ARHGEF7: variants seen among roughly 807,000 people sequenced by gnomAD.
The protein encoded by ARHGEF7 is PAK-interacting exchange factor beta.
A neutral mutation model predicts 109.8 loss-of-function variants in ARHGEF7; 33 were observed. The ratio of observed to expected loss-of-function variants is 0.30; its 90% CI spans 0.23 to 0.40. ARHGEF7 has a LOEUF of 0.40. Among genes scored for constraint, ARHGEF7 ranks in the 10% least tolerant of loss-of-function variants. ARHGEF7 has a pLI of 1.00. For synonymous variants in ARHGEF7, 458 were observed against 424.6 expected (o/e 1.08, Z -0.97); for missense variants, 938 against 1,098.5 (o/e 0.85, Z 2.07).
intron 8 of ARHGEF7, among the ~76,000 whole-genome samples, chr13:111,249,178 T>A (rs2089381741): frequency 6.6e-6 from 1 of 152,122 alleles, no homozygotes; most frequent in Non-Finnish European, 1.5e-5. Flanking sequence ...CCTGTGGATT[T>A]TTGTTGGAGT....
At chr13:111,224,917 A>T (rs552258202) in intron 5 of ARHGEF7, among the ~76,000 whole-genome samples, 1 of 152,308 alleles carries the variant, frequency 6.6e-6, no homozygotes, top group South Asian at 2.1e-4. Flanking sequence ...ACCTCTCAGC[A>T]CTATTGTTTC....
intron 18 of ARHGEF7, 79 bp from the exon 19 acceptor site, chr13:111,292,039 G>A (rs965576482): frequency 8.1e-6 from 10 of 1,228,690 alleles, no homozygotes; most frequent in African/African-American, 6.0e-5. Flanking sequence ...TTTGTTCCAT[G>A]TTTTGGTTGT....
chr13:111,172,953 C>T (rs748719577), intron 2 of ARHGEF7, among the ~76,000 whole-genome samples: 8 of 152,164 alleles, frequency 5.3e-5, no homozygotes, highest in Non-Finnish European at 7.3e-5. Context: ...AAATCTGAAA[C>T]GCTCCTGGTC....
intron 1 of ARHGEF7, among the ~76,000 whole-genome samples, chr13:111,122,229 C>T (rs1224081455): frequency 2.0e-5 from 3 of 152,078 alleles, no homozygotes; most frequent in Non-Finnish European, 2.9e-5. Context: ...GGTTGGGGAG[C>T]GGGAGGGCTG....
In ARHGEF7 at chr13:111,273,878, A is replaced by T. The variant is rs759915405; in HGVS notation, c.1138A>T (p.Thr380Ser). 20 of 1,614,060 alleles carry T rather than the reference A, an allele frequency of 1.2e-5. No homozygotes were observed. Among genetic ancestry groups the T allele is most frequent in the Non-Finnish European group, 1.7e-5 (20 of 1,180,036 alleles). The change falls in exon 10 of 22, where the codon ACG becomes TCG. Residue 380 changes from threonine (T) to serine (S), a missense_variant. This residue lies in a region of ARHGEF7 where 585 missense variants were observed against 723.6 expected (regional missense o/e 0.81). Transcript: ENST00000646102. This position sits in a 1 kb window ranked among gnomAD's most constrained non-coding sequence, Gnocchi z 4.5. ...ASSPGILVLTTGLSKPFMRLD... is the reference protein window; with the variant it reads ...ASSPGILVLTSGLSKPFMRLD... ...CAGCCCTGGGATTCTCGTGCTGACC[A>T]CGGGCCTGAGCAAACCCTTCATGCG...
At chr13:111,267,435 C>T in intron 8 of ARHGEF7, 113 bp from the exon 9 acceptor site, 2 of 1,401,612 alleles carry the variant, frequency 1.4e-6, no homozygotes, top group Middle Eastern at 2.0e-4. Flanking sequence ...CTGGTTTTCA[C>T]AGATGGGTGC....
chr13:111,251,462 C>G lies in ARHGEF7; in HGVS notation c.950+7168C>G, dbSNP rs537377058. Reference sequence around the variant, plus strand: ...AAGCTTGGCAGTATCATAGTCGGCACTCTTCTGTAAAAGGAACCGTATGCT... The same window carrying G: ...AAGCTTGGCAGTATCATAGTCGGCAGTCTTCTGTAAAAGGAACCGTATGCT... On this transcript the variant is annotated intron_variant, in intron 8 of 21. Transcript: ENST00000646102. Among the ~76,000 whole-genome samples the G allele has an allele frequency of 8.5e-5, 13 of 152,238 alleles. No individual in the cohort carries two copies. In the South Asian group the frequency reaches 2.3e-3, roughly 27 times the overall value.
rs536552710 is a variant in ARHGEF7, at chr13:111,301,420, G to T, written c.2412-58G>T. ...TCGTAGTGTCTCCTGGTAAGTTTTCGTGTGTCCTCTCCATGCCTCACCTTG... is the reference window on the plus strand; with the variant it reads ...TCGTAGTGTCTCCTGGTAAGTTTTCTTGTGTCCTCTCCATGCCTCACCTTG... On this transcript the variant is annotated intron_variant, in intron 20 of 21. Transcript: ENST00000646102. 8.9e-5 allele frequency: 133 copies of T among 1,487,218 alleles called. No homozygotes were observed. In the East Asian group the frequency reaches 2.5e-3, roughly 28 times the overall value. 92.1% of individuals were successfully genotyped at this position (1,487,218 alleles called of 1,614,324 possible).
intron 8 of ARHGEF7, among the ~76,000 whole-genome samples, chr13:111,254,160 ATTTTCT>A (rs1195561594): frequency 2.6e-5 from 4 of 152,322 alleles, no homozygotes; most frequent in Middle Eastern, 3.4e-3. Flanking sequence ...TATGTTGTAC[ATTTTCT>A]GTAAGATGAT....
chr13:111,233,748 G>A (rs547835340), intron 6 of ARHGEF7, among the ~76,000 whole-genome samples: 28 of 152,274 alleles, frequency 1.8e-4, no homozygotes, highest in African/African-American at 2.2e-4. Flanking sequence ...ATCACATGGC[G>A]TAGAATTAGG....
At chr13:111,132,420 C>G (rs2074802619) in intron 1 of ARHGEF7, among the ~76,000 whole-genome samples, 1 of 152,234 alleles carries the variant, frequency 6.6e-6, no homozygotes, top group East Asian at 1.9e-4. Flanking sequence ...ACTGCCAAAA[C>G]TAGCTGCTCT....
chr13:111,246,591 CTG>C (rs1289624648), intron 8 of ARHGEF7, among the ~76,000 whole-genome samples: 1 of 152,214 alleles, frequency 6.6e-6, no homozygotes, highest in Non-Finnish European at 1.5e-5. Flanking sequence ...GAACTTAAGA[CTG>C]TACTTTCAAC....
At chr13:111,207,478 G>A (rs764221697) in intron 3 of ARHGEF7, among the ~76,000 whole-genome samples, 30 of 152,324 alleles carry the variant, frequency 2.0e-4, no homozygotes, top group Non-Finnish European at 4.4e-4. Context: ...TAAATGATGT[G>A]CCTTATAATT....
At chr13:111,206,372 C>T (rs887713225) in intron 3 of ARHGEF7, among the ~76,000 whole-genome samples, 2 of 152,066 alleles carry the variant, frequency 1.3e-5, no homozygotes, top group African/African-American at 4.8e-5. Flanking sequence ...CGCATGTGTG[C>T]TCTGACTGCT....
chr13:111,175,634 T>C (rs948606011), intron 2 of ARHGEF7, among the ~76,000 whole-genome samples: 1 of 152,138 alleles, frequency 6.6e-6, no homozygotes, highest in African/African-American at 2.4e-5. Context: ...CGTCCTCTGC[T>C]CCAGGCGCTT....
intron 12 of ARHGEF7, 72 bp from the exon 13 acceptor site, chr13:111,277,510 TAAGTG>T (rs761088004): frequency 1.2e-4 from 105 of 884,194 alleles, no homozygotes; most frequent in Non-Finnish European, 1.9e-4. Flanking sequence ...CTAGTATAAA[TAAGTG>T]AAGTATTTGT....
At chr13:111,153,770 C>T (rs1044999435) in intron 1 of ARHGEF7, 135 bp from the exon 2 acceptor site, 1 of 1,359,206 alleles carries the variant, frequency 7.4e-7, no homozygotes, top group Non-Finnish European at 9.4e-7. Flanking sequence ...GCAGCGGGCT[C>T]GCTCCAGGCC....
intron 1 of ARHGEF7, among the ~76,000 whole-genome samples, chr13:111,124,679 C>T (rs551214810): frequency 1.3e-5 from 2 of 152,342 alleles, no homozygotes; most frequent in South Asian, 4.1e-4. Flanking sequence ...ACCTTCTAGT[C>T]TCTGCTGAAG....
intron 2 of ARHGEF7, among the ~76,000 whole-genome samples, chr13:111,156,238 G>T (rs1333324450): frequency 6.6e-6 from 1 of 152,078 alleles, no homozygotes; most frequent in South Asian, 2.1e-4. Flanking sequence ...CATATTCCAA[G>T]CATCTACAAT....
Sources: allele counts gnomAD v4.1 joint callset (sites outside exome capture counted in the v4.1 genomes callset), GRCh38; gene constraint gnomAD v4.1.1; regional missense constraint gnomAD v4.1.1; non-coding constraint Gnocchi (gnomAD v3.1); transcripts MANE v1.5; gene names NCBI Gene and HGNC (gene_info 2026-07-23, HGNC 2026-07-21).